ZNF701: variants seen among roughly 807,000 people sequenced by gnomAD.
The protein encoded by ZNF701 is zinc finger protein 701.
In ZNF701, 6 loss-of-function variants were observed where a neutral mutation model predicts 7.1. The ratio of observed to expected loss-of-function variants is 0.84; its 90% CI spans 0.46 to 1.66. The LOEUF (loss-of-function observed/expected upper bound fraction) is 1.66, where lower values mean the gene tolerates loss of function less well. Among genes scored for constraint, ZNF701 ranks in the 40% most tolerant of loss-of-function variants. The pLI is 0.01. For synonymous variants in ZNF701, 166 were observed against 188.2 expected (o/e 0.88, Z 0.97); for missense variants, 541 against 559.2 (o/e 0.97, Z 0.33).
Position 52,582,292 on chromosome 19 carries a change from C to T in ZNF701, c.233C>T (p.Ala78Val), listed in dbSNP as rs768813202. 9 of 1,613,740 alleles carry T rather than the reference C, an allele frequency of 5.6e-6. No individual in the cohort carries two copies. In the East Asian group the frequency reaches 2.0e-4, roughly 36 times the overall value. ...CACACAGGGACATTGCAAATACATG[C>T]AAGTCATCACATTGGAGATACTTGC... ...VVHTGTLQIH[A>V]SHHIGDTCFQ... The change falls in exon 4 of 4, where the codon GCA becomes GTA. Residue 78 changes from alanine (A) to valine (V), a missense_variant. Coordinates refer to ENST00000391785, the MANE Select transcript of ZNF701 (RefSeq NM_018260.3).
rs373554 is a variant in ZNF701 at position 52,582,871 on chromosome 19, C to T, written c.812C>T (p.Thr271Met). The T allele has an allele frequency of 5.6e-6, 9 of 1,613,928 alleles. No individual in the cohort carries two copies. In the Admixed American group the frequency reaches 1.3e-4, roughly 24 times the overall value. ...HRCHTGENPYTCNECGKTFSH... is the reference protein window; with the variant it reads ...HRCHTGENPYMCNECGKTFSH... ...TGTCACACTGGTGAGAATCCTTACA[C>T]GTGTAATGAGTGTGGCAAGACATTC... The change falls in exon 4 of 4, where the codon ACG (threonine) becomes ATG (methionine). Residue 271 changes from threonine (T) to methionine (M), a missense_variant. By Grantham distance (81) the Thr-to-Met change is moderately conservative (BLOSUM62 -1). Coordinates refer to ENST00000391785, the MANE Select transcript of ZNF701 (RefSeq NM_018260.3).
chr19:52,571,380 CAG>C (rs2146975588), intron 1 of ZNF701, among the ~76,000 whole-genome samples: 1 of 151,966 alleles, frequency 6.6e-6, no homozygotes, highest in South Asian at 2.1e-4. Context: ...GGGGGTAAAA[CAG>C]AGAAGAGAGA....
At chr19:52,596,800 C>T in the ZNF701 span, 152 of 536,396 alleles carry the variant, frequency 2.8e-4, 1 homozygote, top group Middle Eastern at 1.3e-3. Context: ...ATGAATGTGG[C>T]AAGGTTTTTA....
downstream of ZNF701, among the ~76,000 whole-genome samples, chr19:52,587,424 C>G (rs1007473145): frequency 1.3e-5 from 2 of 152,172 alleles, no homozygotes; most frequent in African/African-American, 4.8e-5. Flanking sequence ...GGGACTTCTC[C>G]TGGGCTGTCC....
chr19:52,582,876 A>T lies in ZNF701; in HGVS notation c.817A>T (p.Asn273Tyr). Residue 273 changes from asparagine to tyrosine, a missense_variant, in exon 4 of 4, where the codon AAT (asparagine) becomes TAT (tyrosine). Asn to Tyr is a moderately radical substitution (Grantham distance 143). Coordinates refer to ENST00000391785, the MANE Select transcript of ZNF701 (RefSeq NM_018260.3). ...CACTGGTGAGAATCCTTACACGTGTAATGAGTGTGGCAAGACATTCAGTCA... is the reference window on the plus strand; with the variant it reads ...CACTGGTGAGAATCCTTACACGTGTTATGAGTGTGGCAAGACATTCAGTCA... ...CHTGENPYTC[N>Y]ECGKTFSHNS... 1 of 1,613,214 alleles carries T rather than the reference A, an allele frequency of 6.2e-7. No homozygotes were observed. The highest frequency in any genetic ancestry group is 1.1e-5 in the South Asian group (1 of 91,016).
At position 52,585,553 on chromosome 19, in the gene ZNF701, G is replaced by GA. The variant is rs147744515; in HGVS notation, c.*2109dup. The stretch of plus-strand genomic sequence containing the variant: ...GATGGATATTAAACATAGAATTGAA[G>GA]AAAAAAAAAAAAACCCCACAAAGTA... On this transcript the variant is annotated 3_prime_UTR_variant, in exon 4 of 4. Transcript: ENST00000391785. The GA allele has an allele frequency of 0.19, 24,998 of 130,362 alleles. 3,239 individuals carry two copies. Among genetic ancestry groups the GA allele is most frequent in the African/African-American group, 0.38 (14,484 of 37,860 alleles). 8.1% of individuals were successfully genotyped at this position (130,362 alleles called of 1,614,324 possible).
rs56786587 is a variant in ZNF701, at chr19:52,575,444, A to AT, written c.16-441dup. On this transcript the variant is annotated intron_variant, in intron 2 of 3. Transcript: ENST00000391785. ...TTTTTTGTGAGTGTGTGTAGGTTTT[A>AT]TTTTTTTTTTAACATATACAAAATA... is the stretch of plus-strand genomic sequence containing the variant. Among the ~76,000 whole-genome samples the AT allele has an allele frequency of 8.0e-5, 12 of 150,508 alleles. No individual in the cohort carries two copies. In the South Asian group the frequency reaches 8.4e-4, roughly 11 times the overall value.
chr19:52,575,033 G>C (rs1409224184), intron 2 of ZNF701, among the ~76,000 whole-genome samples: 1 of 152,020 alleles, frequency 6.6e-6, no homozygotes, highest in Non-Finnish European at 1.5e-5. Context: ...GCAGTGGCAC[G>C]ATCTCCGCTC....
At chr19:52,577,352 G>A (rs1474360726) in intron 3 of ZNF701, among the ~76,000 whole-genome samples, 1 of 152,064 alleles carries the variant, frequency 6.6e-6, no homozygotes, top group Non-Finnish European at 1.5e-5. Flanking sequence ...CACCTGCCTT[G>A]GCTTCCCAAA....
Position 52,584,593 on chromosome 19 carries a change from T to G in ZNF701, c.*1136T>G, listed in dbSNP as rs530521699. ...CAATGTGGGTTGTATATATATGTTTTTAATCATTTTGGTTAATGTTTGTAG... is the reference window on the plus strand; with the variant it reads ...CAATGTGGGTTGTATATATATGTTTGTAATCATTTTGGTTAATGTTTGTAG... On this transcript the variant is annotated 3_prime_UTR_variant, in exon 4 of 4. Transcript: ENST00000391785. 2 of 152,376 alleles carry G rather than the reference T, an allele frequency of 1.3e-5. No homozygotes were observed. The highest frequency in any genetic ancestry group is 4.8e-5 in the African/African-American group (2 of 41,588). The allele number at this position is 152,376 out of a possible 1,614,324, so 9.4% of individuals were successfully genotyped here. A position where few individuals can be genotyped will look rare whatever the true frequency, so the allele number is the denominator to read the frequency against.
downstream of ZNF701, chr19:52,587,310 G>A (rs1455663858): frequency 5.9e-5 from 9 of 152,694 alleles, no homozygotes; most frequent in East Asian, 1.9e-4. Flanking sequence ...CTGTGCTCCC[G>A]GGACCCCTCT....
At position 52,582,671 on chromosome 19, in the gene ZNF701, A is replaced by G. The variant is rs776094071; in HGVS notation, c.612A>G (p.Gln204=). Residue 204 remains glutamine, a synonymous_variant, in exon 4 of 4, where the codon CAA becomes CAG. Coordinates refer to ENST00000391785, the MANE Select transcript of ZNF701 (RefSeq NM_018260.3). ...NNFLQSSLLT[Q]KREVHTREKS... is the part of the protein sequence containing the mutation. Reference sequence around the variant, plus strand: ...TCCTCCAGTCTTCATTACTCACACAAAAACGGGAAGTACACACAAGAGAAA... The same window carrying G: ...TCCTCCAGTCTTCATTACTCACACAGAAACGGGAAGTACACACAAGAGAAA... The G allele has an allele frequency of 3.1e-6, 5 of 1,614,052 alleles. 1 individual carries two copies. In the South Asian group the frequency reaches 5.5e-5, roughly 18 times the overall value.
At chr19:52,589,655 T>A (rs2060029024), downstream of ZNF701, among the ~76,000 whole-genome samples, 1 of 152,160 alleles carries the variant, frequency 6.6e-6, no homozygotes, top group Non-Finnish European at 1.5e-5. Context: ...AAGTTTTGTA[T>A]TTTTAAGAGA....
chr19:52,599,619 C>G, the ZNF701 span, among the ~76,000 whole-genome samples: 3 of 152,202 alleles, frequency 2.0e-5, no homozygotes, highest in African/African-American at 7.2e-5. Flanking sequence ...CGTGGTGATT[C>G]TGCTAAAGCT....
intron 3 of ZNF701, among the ~76,000 whole-genome samples, chr19:52,576,713 A>G (rs764733301): frequency 3.9e-5 from 6 of 152,050 alleles, no homozygotes; most frequent in Admixed American, 2.0e-4. Context: ...CAATTAGTAA[A>G]ATATTTTCCT....
the ZNF701 span, chr19:52,596,055 A>G: frequency 0.43 from 588,577 of 1,358,874 alleles, 128,272 homozygotes; most frequent in Middle Eastern, 0.52. Context: ...TATGGGAAGA[A>G]TTTCCTCTAT....
chr19:52,583,128 A>G lies in ZNF701; in HGVS notation c.1069A>G (p.Lys357Glu), dbSNP rs775775680. 1.9e-6 allele frequency: 3 copies of G among 1,610,448 alleles called. No homozygotes were observed. Among genetic ancestry groups the G allele is most frequent in the Middle Eastern group, 1.7e-4 (1 of 6,052 alleles). ...IHTGEKPYKCKVCDKAFRRDS... is the reference protein window; with the variant it reads ...IHTGEKPYKCEVCDKAFRRDS... ...CACTGGAGAGAAACCATACAAATGT[A>G]AGGTTTGTGACAAGGCTTTCAGACG... Residue 357 changes from lysine to glutamate, a missense_variant, in exon 4 of 4, where the codon AAG (lysine) becomes GAG (glutamate). Coordinates refer to ENST00000391785, the MANE Select transcript of ZNF701 (RefSeq NM_018260.3).
chr19:52,599,427 A>G, the ZNF701 span, among the ~76,000 whole-genome samples: 1 of 152,164 alleles, frequency 6.6e-6, no homozygotes, highest in Non-Finnish European at 1.5e-5. Flanking sequence ...AGTCCAGTGG[A>G]ATGCAGGTGC....
At chr19:52,594,514 T>TTTG in the ZNF701 span, among the ~76,000 whole-genome samples, 6,993 of 146,628 alleles carry the variant, frequency 0.048, 230 homozygotes, top group Non-Finnish European at 0.071. Context: ...TTTTTTTTGT[T>TTTG]TTTTGTTTTT....
Sources: gnomAD v4.1 joint callset for allele counts (sites outside exome capture counted in the v4.1 genomes callset) on GRCh38, gnomAD v4.1.1 for gene constraint, MANE v1.5 for transcripts, NCBI Gene and HGNC (gene_info 2026-07-23, HGNC 2026-07-21) for gene names.